CCN5: variants seen among roughly 807,000 people sequenced by gnomAD.
CCN5 encodes the protein cellular communication network factor 5.
In CCN5, 17 loss-of-function variants were observed where a neutral mutation model predicts 18.7. The observed-to-expected ratio is 0.91, with a 90% CI of 0.62 to 1.36. CCN5 has a LOEUF of 1.36. Ranked by LOEUF, CCN5 falls within the 40% of genes most tolerant of loss-of-function variation. The pLI is 0.00. For missense variants in CCN5, 367 were observed against 342.9 expected (o/e 1.07, Z -0.56); for synonymous variants, 135 against 145.2 (o/e 0.93, Z 0.50).
intron 1 of CCN5, among the ~76,000 whole-genome samples, chr20:44,715,793 G>A (rs1406874454): frequency 6.6e-6 from 1 of 152,220 alleles, no homozygotes; most frequent in Non-Finnish European, 1.5e-5. Context: ...TCCTCATTAT[G>A]AATGGGGGCA....
intron 1 of CCN5, 112 bp downstream of exon 1, chr20:44,715,562 A>T: frequency 1.7e-6 from 2 of 1,197,300 alleles, no homozygotes; most frequent in Non-Finnish European, 2.4e-6. Context: ...AGGGCCCCAC[A>T]TTGGGCACAG....
chr20:44,727,506 A>C lies in CCN5; in HGVS notation c.*199A>C. 7.1e-7 allele frequency: 1 copy of C among 1,408,636 alleles called. No individual in the cohort carries two copies. 87.3% of individuals were successfully genotyped at this position (1,408,636 alleles called of 1,614,324 possible). On this transcript the variant is annotated 3_prime_UTR_variant, in exon 4 of 4. Coordinates refer to ENST00000190983, the MANE Select transcript of CCN5 (RefSeq NM_003881.4). ...TCCCGAGGTATGGCAGAGGTGCAAG[A>C]CCTAGTCCCCTTTCCTCTAACTCAC...
upstream of CCN5, chr20:44,715,281 G>T: frequency 7.9e-6 from 6 of 763,908 alleles, no homozygotes; most frequent in Non-Finnish European, 2.1e-6. Flanking sequence ...GCGCGCGCGC[G>T]TGTGTACTCG....
rs1041548798 is a variant in CCN5, at chr20:44,724,993, G to A, written c.532+1G>A. 2 of 1,575,208 alleles carry A rather than the reference G, an allele frequency of 1.3e-6. No individual in the cohort carries two copies. Among genetic ancestry groups the A allele is most frequent in the African/African-American group, 1.4e-5 (1 of 74,036 alleles). ...GGGACCCAGCCCCTTCCAGCCCAAGGTGAGCGCAGCGGTGGTCCAGGTCAG... is the reference window on the plus strand; with the variant it reads ...GGGACCCAGCCCCTTCCAGCCCAAGATGAGCGCAGCGGTGGTCCAGGTCAG... On this transcript the variant is annotated splice_donor_variant, in intron 3 of 3. Coordinates refer to ENST00000190983, the MANE Select transcript of CCN5 (RefSeq NM_003881.4). LOFTEE classifies it high-confidence loss of function.
upstream of CCN5, chr20:44,715,280 CGTGT>C (rs71197575): frequency 1.3e-3 from 1,015 of 773,398 alleles, 10 homozygotes; most frequent in African/African-American, 0.015. Context: ...CGCGCGCGCG[CGTGT>C]GTACTCGTGC....
chr20:44,715,924 G>A lies in CCN5; in HGVS notation c.60+474G>A, dbSNP rs569358887. Among the ~76,000 whole-genome samples, 17 of 152,298 alleles carry A rather than the reference G, an allele frequency of 1.1e-4. No individual in the cohort carries two copies. In the East Asian group the frequency reaches 1.5e-3, roughly 14 times the overall value. ...TGGACTCTTAGGCAGTGAGTGACCC[G>A]CCCGCCCTAGCTAGAGGGGAACAGG... On this transcript the variant is annotated intron_variant, in intron 1 of 3. Coordinates refer to ENST00000190983, the MANE Select transcript of CCN5 (RefSeq NM_003881.4).
chr20:44,727,168 C>G lies in CCN5; in HGVS notation c.614C>G (p.Ser205Trp), dbSNP rs374696341. 6.2e-7 allele frequency: 1 copy of G among 1,613,888 alleles called. No individual in the cohort carries two copies. The highest frequency in any genetic ancestry group is 8.5e-7 in the Non-Finnish European group (1 of 1,179,972). ...TGGAGCACGGCCTGGGGACCCTGCT[C>G]GACCACCTGTGGGCTGGGCATGGCC... ...PEWSTAWGPC[S>W]TTCGLGMATR... The change falls in exon 4 of 4, where the codon TCG (serine) becomes TGG (tryptophan). Residue 205 changes from serine to tryptophan, a missense_variant. Coordinates refer to ENST00000190983, the MANE Select transcript of CCN5 (RefSeq NM_003881.4).
chr20:44,721,753 G>A (rs138015157), intron 2 of CCN5, among the ~76,000 whole-genome samples: 50 of 152,226 alleles, frequency 3.3e-4, no homozygotes, highest in Non-Finnish European at 5.3e-4. Context: ...CCCTTACCAC[G>A]TGTAAGACAC....
At chr20:44,719,306 C>T (rs922124664) in intron 1 of CCN5, among the ~76,000 whole-genome samples, 6 of 152,190 alleles carry the variant, frequency 3.9e-5, no homozygotes, top group Admixed American at 2.0e-4. Context: ...AACTGAGGCT[C>T]AGAATGCTTA....
chr20:44,723,684 T>G (rs1272030250), intron 2 of CCN5: 1 of 152,224 alleles, frequency 6.6e-6, no homozygotes, highest in African/African-American at 2.4e-5. Flanking sequence ...CCAGCGCTCT[T>G]ACTTCATTCT....
chr20:44,723,749 TC>T (rs2065916141), intron 2 of CCN5: 1 of 152,246 alleles, frequency 6.6e-6, no homozygotes, highest in African/African-American at 2.4e-5. Context: ...CATGAGTCCC[TC>T]AAGGCAGGAA....
Position 44,724,819 on chromosome 20 carries a change from G to T in CCN5, c.359G>T (p.Arg120Leu). The T allele has an allele frequency of 1.2e-6, 2 of 1,610,674 alleles. No individual in the cohort carries two copies. Among genetic ancestry groups the T allele is most frequent in the East Asian group, 4.5e-5 (2 of 44,820 alleles). Residue 120 changes from arginine (R) to leucine (L), a missense_variant, in exon 3 of 4, where the codon CGC becomes CTC. Coordinates refer to ENST00000190983, the MANE Select transcript of CCN5 (RefSeq NM_003881.4). ...GETFQPHCSI[R>L]CRCEDGGFTC... Reference sequence around the variant, plus strand: ...ACCTTCCAGCCCCACTGCAGCATCCGCTGCCGCTGCGAGGACGGCGGCTTC... The same window carrying T: ...ACCTTCCAGCCCCACTGCAGCATCCTCTGCCGCTGCGAGGACGGCGGCTTC...
chr20:44,722,295 T>C (rs1600993307), intron 2 of CCN5, among the ~76,000 whole-genome samples: 2 of 152,174 alleles, frequency 1.3e-5, no homozygotes, highest in African/African-American at 4.8e-5. Context: ...AACTCTGAGC[T>C]GTGAGATGTG....
chr20:44,721,666 C>T lies in CCN5; in HGVS notation c.277+1553C>T, dbSNP rs570937556. ...AGAACAATTGAGATAAGTAACACTTCGCTTACAAAGCTGTTATTTACATTT... is the reference window on the plus strand; with the variant it reads ...AGAACAATTGAGATAAGTAACACTTTGCTTACAAAGCTGTTATTTACATTT... On this transcript the variant is annotated intron_variant, in intron 2 of 3. Transcript: ENST00000190983. 2.4e-4 allele frequency among the ~76,000 whole-genome samples: 36 copies of T among 152,204 alleles called. No individual in the cohort carries two copies. In the East Asian group the frequency reaches 2.5e-3, roughly 11 times the overall value.
intron 2 of CCN5, chr20:44,723,820 C>A (rs1355917411): frequency 6.6e-6 from 1 of 152,226 alleles, no homozygotes; most frequent in African/African-American, 2.4e-5. Flanking sequence ...CAGTAAATAT[C>A]TCTGGAATGA....
Position 44,724,835 on chromosome 20 carries a change from C to T in CCN5, c.375C>T (p.Asp125=), listed in dbSNP as rs761553988. Residue 125 remains aspartate (D), a synonymous_variant, in exon 3 of 4, where the codon GAC becomes GAT. Coordinates refer to ENST00000190983, the MANE Select transcript of CCN5 (RefSeq NM_003881.4). The part of the protein sequence containing the change: ...PHCSIRCRCE[D]GGFTCVPLCS... ...GCAGCATCCGCTGCCGCTGCGAGGACGGCGGCTTCACCTGCGTGCCGCTGT... is the reference window on the plus strand; with the variant it reads ...GCAGCATCCGCTGCCGCTGCGAGGATGGCGGCTTCACCTGCGTGCCGCTGT... 10 of 1,604,640 alleles carry T rather than the reference C, an allele frequency of 6.2e-6. No individual in the cohort carries two copies. In the Admixed American group the frequency reaches 1.4e-4, roughly 22 times the overall value.
At chr20:44,719,812 C>T (rs2065884657) in intron 1 of CCN5, 85 bp from the exon 2 acceptor site, 1 of 1,428,174 alleles carries the variant, frequency 7.0e-7, no homozygotes, top group Non-Finnish European at 9.6e-7. Flanking sequence ...CCACACTACC[C>T]AGCCTGGCAG....
chr20:44,715,580 C>A, intron 1 of CCN5, 130 bp downstream of exon 1: 1 of 1,014,382 alleles, frequency 9.9e-7, no homozygotes, highest in Non-Finnish European at 1.5e-6. Context: ...CAGTCTGGCC[C>A]CCATGCCTAA....
chr20:44,725,297 G>A (rs938455514), intron 3 of CCN5, among the ~76,000 whole-genome samples: 1 of 152,138 alleles, frequency 6.6e-6, no homozygotes, highest in African/African-American at 2.4e-5. Flanking sequence ...AATTAGCCTA[G>A]CATGGTGGCG....
Sources: gnomAD v4.1 joint callset for allele counts (sites outside exome capture counted in the v4.1 genomes callset) on GRCh38, gnomAD v4.1.1 for gene constraint, MANE v1.5 for transcripts, NCBI Gene and HGNC (gene_info 2026-07-23, HGNC 2026-07-21) for gene names.